AKT3: variants seen among roughly 807,000 people sequenced by gnomAD.
The protein encoded by AKT3 is RAC-gamma serine/threonine-protein kinase.
AKT3 carries 15 observed loss-of-function variants against 65.3 expected under a neutral mutation model. That is an observed-to-expected ratio of 0.23 (90% confidence interval 0.15 to 0.35). The LOEUF is 0.35. Ranked by LOEUF, AKT3 falls within the 10% of genes least tolerant of loss-of-function variation. The pLI, the probability that AKT3 is intolerant of heterozygous loss-of-function variation, is 1.00. For synonymous variants in AKT3, 206 were observed against 183.8 expected (o/e 1.12, Z -0.98); for missense variants, 243 against 576.5 (o/e 0.42, Z 5.92).
rs373359038 is a variant in AKT3 at position 243,656,421 on chromosome 1, T to C, written c.284+8351A>G. 3.5e-4 allele frequency among the ~76,000 whole-genome samples: 54 copies of C among 152,222 alleles called. No individual in the cohort carries two copies. The East Asian group carries it at 0.01, about 29-fold the overall frequency. On this transcript the variant is annotated intron_variant, in intron 4 of 13. Transcript: ENST00000673466. ...AACTTACAGTCTGATGGGGGAGCCT[T>C]GGTATTGTGGGGAAGTATAATAAAA...
intron 2 of AKT3, among the ~76,000 whole-genome samples, chr1:243,723,364 G>A (rs76089968): frequency 0.039 from 5,969 of 152,268 alleles, 139 homozygotes; most frequent in Middle Eastern, 0.078. Context: ...ATATGTCCTA[G>A]TAGAGGTGAA....
At position 243,691,954 on chromosome 1, in the gene AKT3, G is replaced by A. The variant is rs566557882; in HGVS notation, c.172+3637C>T. 5.5e-4 allele frequency among the ~76,000 whole-genome samples: 83 copies of A among 152,272 alleles called. 1 individual carries two copies. The highest frequency in any genetic ancestry group is 1.9e-3 in the African/African-American group (77 of 41,564). ...ATACCAGAACTGTGCATTAGCCTAAGGGGTAGGGGGGAACAGGAAAGAGGT... is the reference window on the plus strand; with the variant it reads ...ATACCAGAACTGTGCATTAGCCTAAAGGGTAGGGGGGAACAGGAAAGAGGT... On this transcript the variant is annotated intron_variant, in intron 3 of 13. Coordinates refer to ENST00000673466, the MANE Select transcript of AKT3 (RefSeq NM_005465.7).
At chr1:243,759,886 C>T (rs1377426929) in intron 2 of AKT3, among the ~76,000 whole-genome samples, 1 of 152,098 alleles carries the variant, frequency 6.6e-6, no homozygotes. Context: ...AAATGTAAGA[C>T]AAAATTAGGA....
At chr1:243,692,044 C>T (rs1436489571) in intron 3 of AKT3, among the ~76,000 whole-genome samples, 1 of 152,106 alleles carries the variant, frequency 6.6e-6, no homozygotes, top group Non-Finnish European at 1.5e-5. Flanking sequence ...AAATGCAGCC[C>T]AGATATAAAT....
At chr1:243,580,283 C>T (rs1172157561) in intron 8 of AKT3, among the ~76,000 whole-genome samples, 1 of 152,156 alleles carries the variant, frequency 6.6e-6, no homozygotes, top group East Asian at 1.9e-4. Context: ...AGGAGCCTCC[C>T]TCTGTGACTC....
intron 2 of AKT3, among the ~76,000 whole-genome samples, chr1:243,723,445 C>T (rs976938836): frequency 6.6e-6 from 1 of 152,152 alleles, no homozygotes; most frequent in Admixed American, 6.5e-5. Flanking sequence ...TCTAAGAATG[C>T]AAGTTAAATG....
chr1:243,562,694 C>A (rs1035151337), intron 10 of AKT3, among the ~76,000 whole-genome samples: 5 of 152,138 alleles, frequency 3.3e-5, no homozygotes, highest in African/African-American at 1.2e-4. Context: ...AGTGTTCCTG[C>A]CAACAGCCCA....
At chr1:243,804,575 G>A (rs1008326055) in intron 2 of AKT3, among the ~76,000 whole-genome samples, 7 of 152,254 alleles carry the variant, frequency 4.6e-5, no homozygotes, top group South Asian at 4.1e-4. Context: ...GGCCGGATGC[G>A]GTGGCTCACG....
chr1:243,602,487 T>A (rs936648059), intron 8 of AKT3, among the ~76,000 whole-genome samples: 7 of 152,198 alleles, frequency 4.6e-5, no homozygotes, highest in African/African-American at 1.7e-4. Context: ...GAAATGATAA[T>A]TAAATTAATT....
chr1:243,779,575 AC>A (rs1690776156), intron 2 of AKT3, among the ~76,000 whole-genome samples: 1 of 152,170 alleles, frequency 6.6e-6, no homozygotes, highest in Admixed American at 6.5e-5. Context: ...TAAATAATTA[AC>A]CAAAATACAA....
intron 8 of AKT3, among the ~76,000 whole-genome samples, chr1:243,576,033 T>A (rs1674916416): frequency 6.6e-6 from 1 of 152,078 alleles, no homozygotes; most frequent in African/African-American, 2.4e-5. Context: ...CTGTAGATAA[T>A]AAGTATGAAA....
chr1:243,632,482 G>A (rs370790607), intron 6 of AKT3, among the ~76,000 whole-genome samples: 79 of 152,302 alleles, frequency 5.2e-4, no homozygotes, highest in African/African-American at 1.8e-3. Flanking sequence ...AAGCTTTGTT[G>A]CTTTACTGAT....
At chr1:243,613,770 T>C in intron 7 of AKT3, 31 bp from the exon 8 acceptor site, 1 of 1,425,208 alleles carries the variant, frequency 7.0e-7, no homozygotes, top group South Asian at 1.3e-5. Context: ...AAATGTTACA[T>C]TATAATCCTG....
intron 2 of AKT3, among the ~76,000 whole-genome samples, chr1:243,800,405 A>G (rs1483569561): frequency 6.6e-6 from 1 of 152,212 alleles, no homozygotes; most frequent in Non-Finnish European, 1.5e-5. Flanking sequence ...TAATTCACCC[A>G]GGGCACTTCT....
chr1:243,637,888 T>G (rs10927046), intron 5 of AKT3, 146 bp from the exon 6 acceptor site: 1 of 503,296 alleles, frequency 2.0e-6, no homozygotes, highest in Non-Finnish European at 3.4e-6. Flanking sequence ...CAGACTGGCA[T>G]TGGCTGTCTC....
At chr1:243,783,924 T>A (rs1691078253) in intron 2 of AKT3, among the ~76,000 whole-genome samples, 1 of 152,138 alleles carries the variant, frequency 6.6e-6, no homozygotes, top group Non-Finnish European at 1.5e-5. Context: ...TAATTTTTCA[T>A]CCAAAAAATA....
intron 9 of AKT3, among the ~76,000 whole-genome samples, chr1:243,569,762 T>G (rs1200985693): frequency 6.6e-6 from 1 of 152,216 alleles, no homozygotes; most frequent in Non-Finnish European, 1.5e-5. Flanking sequence ...AGCAAGAAAT[T>G]AATTCTTAAT....
chr1:243,490,382 G>A (rs1023314589), intron 13 of AKT3, among the ~76,000 whole-genome samples: 4 of 152,198 alleles, frequency 2.6e-5, no homozygotes, highest in Non-Finnish European at 5.9e-5. Context: ...TCTAGGAGGC[G>A]AGGCCTCACC....
At position 243,503,715 on chromosome 1, in the gene AKT3, CTTTT is replaced by C; in HGVS notation, c.*1530_*1533del. 1 of 232,076 alleles carries C rather than the reference CTTTT, an allele frequency of 4.3e-6. No homozygotes were observed. Among genetic ancestry groups the C allele is most frequent in the Non-Finnish European group, 8.5e-6 (1 of 117,154 alleles). 14.4% of individuals were successfully genotyped at this position (232,076 alleles called of 1,614,324 possible). The stretch of plus-strand genomic sequence containing the variant: ...GAAAAAGAAAAGCTGGAGGTGTTCT[CTTTT>C]TTTGTTGTTTTTTCCCTGATGGCTT... On this transcript the variant is annotated 3_prime_UTR_variant, in exon 14 of 14. Coordinates refer to ENST00000673466, the MANE Select transcript of AKT3 (RefSeq NM_005465.7).
Sources: allele counts gnomAD v4.1 joint callset (sites outside exome capture counted in the v4.1 genomes callset), GRCh38; gene constraint gnomAD v4.1.1; transcripts MANE v1.5; gene names NCBI Gene and HGNC (gene_info 2026-07-23, HGNC 2026-07-21).